Variants in PCNX4 observed in about 807,000 individuals in gnomAD.
PCNX4 encodes pecanex-like protein 4.
A neutral mutation model predicts 107.2 loss-of-function variants in PCNX4; 103 were observed. The observed-to-expected ratio is 0.96, with a 90% CI of 0.82 to 1.13. The LOEUF is 1.13. Ranked by LOEUF, PCNX4 falls within the 50% of genes most tolerant of loss-of-function variation. PCNX4 has a pLI of 0.00. For missense variants in PCNX4, 1,528 were observed against 1,379.4 expected (o/e 1.11, Z -1.71); for synonymous variants, 541 against 481.7 (o/e 1.12, Z -1.61).
intron 1 of PCNX4, among the ~76,000 whole-genome samples, chr14:60,097,909 T>A (rs1895456526): frequency 6.6e-6 from 1 of 152,220 alleles, no homozygotes; most frequent in African/African-American, 2.4e-5. Context: ...TGTCCCCTTG[T>A]CAGCAGGAAG....
At chr14:60,096,124 C>T (rs954173637) in intron 1 of PCNX4, among the ~76,000 whole-genome samples, 2 of 143,338 alleles carry the variant, frequency 1.4e-5, no homozygotes, top group African/African-American at 2.5e-5. Flanking sequence ...GATTGATTAA[C>T]GAAGGTTTTG....
chr14:60,133,585 G>A (rs993827737), intron 10 of PCNX4: 6 of 442,920 alleles, frequency 1.4e-5, no homozygotes, highest in Non-Finnish European at 2.7e-5. Flanking sequence ...TGAATTATAT[G>A]GAATGTGAAT....
chr14:60,121,352 T>C, intron 8 of PCNX4, 53 bp downstream of exon 8: 1 of 1,570,440 alleles, frequency 6.4e-7, no homozygotes, highest in Non-Finnish European at 8.7e-7. Flanking sequence ...TGTGTAAAAT[T>C]TTACCTGTTA....
rs1896406979 is a variant in PCNX4, at chr14:60,146,379, C to G, written c.*12158C>G. 6.6e-6 allele frequency: 1 copy of G among 151,840 alleles called. No individual in the cohort carries two copies. The highest frequency in any genetic ancestry group is 1.5e-5 in the Non-Finnish European group (1 of 67,954). 9.4% of individuals were successfully genotyped at this position (151,840 alleles called of 1,614,324 possible). The stretch of plus-strand genomic sequence containing the variant: ...TCTCTAGTCCCTGGTCCCTCTTTCC[C>G]CTTTGAAAAAAAAATCACTTCTATA... On this transcript the variant is annotated 3_prime_UTR_variant, in exon 11 of 11. Transcript: ENST00000406854. The surrounding 1 kb of genome is among the most constrained non-coding windows in gnomAD (Gnocchi z 4.9).
chr14:60,098,351 CCT>C (rs1476640193), intron 1 of PCNX4, among the ~76,000 whole-genome samples: 1 of 152,182 alleles, frequency 6.6e-6, no homozygotes, highest in Non-Finnish European at 1.5e-5. Flanking sequence ...CAGCCAGAAG[CCT>C]CTCTCAGGTT....
chr14:60,114,227 T>G (rs1388507148), intron 2 of PCNX4, among the ~76,000 whole-genome samples: 1 of 152,218 alleles, frequency 6.6e-6, no homozygotes, highest in Non-Finnish European at 1.5e-5. Context: ...TGTATGAATG[T>G]GGGTAAGGCT....
rs1292926765 is a variant in PCNX4 at position 60,141,299 on chromosome 14, C to G, written c.*7078C>G. ...GCAAAAGAAAGGAAATAACCAAAAG[C>G]AGAAATCAATGAAACTGCAAATAGA... On this transcript the variant is annotated 3_prime_UTR_variant, in exon 11 of 11. Transcript: ENST00000406854. 6.6e-6 allele frequency: 1 copy of G among 152,002 alleles called. No individual in the cohort carries two copies. The highest frequency in any genetic ancestry group is 1.5e-5 in the Non-Finnish European group (1 of 68,006). The allele number at this position is 152,002 out of a possible 1,614,324, so 9.4% of individuals were successfully genotyped here.
At chr14:60,128,846 G>C (rs914069681) in intron 10 of PCNX4, among the ~76,000 whole-genome samples, 1 of 152,152 alleles carries the variant, frequency 6.6e-6, no homozygotes, top group African/African-American at 2.4e-5. Context: ...ACTGGATAAA[G>C]GAAATGAATC....
chr14:60,129,921 A>G (rs1896124229), intron 10 of PCNX4, among the ~76,000 whole-genome samples: 1 of 152,242 alleles, frequency 6.6e-6, no homozygotes, highest in African/African-American at 2.4e-5. Context: ...CGAAAGAGGG[A>G]TAAAAGTCAA....
rs1896209609 is a variant in PCNX4, at chr14:60,134,309, T to G, written c.*88T>G. 6.8e-7 allele frequency: 1 copy of G among 1,474,486 alleles called. No homozygotes were observed. The highest frequency in any genetic ancestry group is 1.4e-5 in the African/African-American group (1 of 71,824). The allele number at this position is 1,474,486 out of a possible 1,614,324, so 91.3% of individuals were successfully genotyped here. A position where few individuals can be genotyped will look rare whatever the true frequency, so the allele number is the denominator to read the frequency against. On this transcript the variant is annotated 3_prime_UTR_variant, in exon 11 of 11. Coordinates refer to ENST00000406854, the MANE Select transcript of PCNX4 (RefSeq NM_001330177.2). ...ACTGTGATTCTTGTAACTTGAGGAC[T>G]TCTCCACACCCCCATTCAGATGCCT...
rs1896281613 is a variant in PCNX4, at chr14:60,139,415, A to T, written c.*5194A>T. On this transcript the variant is annotated 3_prime_UTR_variant, in exon 11 of 11. Coordinates refer to ENST00000406854, the MANE Select transcript of PCNX4 (RefSeq NM_001330177.2). Reference sequence around the variant, plus strand: ...TGATAAAAGATTTGATTCACCAGAAAGTTTCAACAGGTCTAATATTTTAAT... The same window carrying T: ...TGATAAAAGATTTGATTCACCAGAATGTTTCAACAGGTCTAATATTTTAAT... The T allele has an allele frequency of 6.6e-6, 1 of 152,144 alleles. No homozygotes were observed. The highest frequency in any genetic ancestry group is 1.9e-4 in the East Asian group (1 of 5,204). 9.4% of individuals were successfully genotyped at this position (152,144 alleles called of 1,614,324 possible). A position where few individuals can be genotyped will look rare whatever the true frequency, so the allele number is the denominator to read the frequency against.
chr14:60,127,721 T>C (rs1316883563), intron 10 of PCNX4, among the ~76,000 whole-genome samples: 1 of 152,130 alleles, frequency 6.6e-6, no homozygotes. Flanking sequence ...AGTTGAGATA[T>C]GCAAAGAAAT....
intron 10 of PCNX4, among the ~76,000 whole-genome samples, chr14:60,129,740 A>G (rs927424592): frequency 2.0e-5 from 3 of 152,226 alleles, no homozygotes; most frequent in African/African-American, 7.2e-5. Context: ...ACGTTGTAAG[A>G]GTAATATTTC....
At chr14:60,120,375 A>T (rs1895932172) in intron 7 of PCNX4, among the ~76,000 whole-genome samples, 1 of 152,198 alleles carries the variant, frequency 6.6e-6, no homozygotes, top group Non-Finnish European at 1.5e-5. Flanking sequence ...AGGAGAGCAG[A>T]TGTTCAGTAT....
chr14:60,098,984 G>A (rs1190510012), intron 1 of PCNX4, among the ~76,000 whole-genome samples: 1 of 151,884 alleles, frequency 6.6e-6, no homozygotes, highest in Non-Finnish European at 1.5e-5. Context: ...GAATTTAGCT[G>A]TCTATCCATG....
chr14:60,100,740 G>A (rs1194325778), intron 1 of PCNX4, among the ~76,000 whole-genome samples: 1 of 152,160 alleles, frequency 6.6e-6, no homozygotes, highest in African/African-American at 2.4e-5. Flanking sequence ...CATCAGGTGG[G>A]TTTTATTTAA....
chr14:60,123,174 C>G (rs1035129629), intron 8 of PCNX4, among the ~76,000 whole-genome samples: 30 of 152,020 alleles, frequency 2.0e-4, no homozygotes, highest in African/African-American at 7.0e-4. Flanking sequence ...TTTAATAATA[C>G]CTAATAATGT....
intron 9 of PCNX4, 93 bp downstream of exon 9, chr14:60,125,344 GT>G: frequency 3.1e-6 from 4 of 1,274,300 alleles, no homozygotes; most frequent in Non-Finnish European, 4.1e-6. Context: ...TTCGTTTCTA[GT>G]TTTTTAAAAT....
chr14:60,100,703 A>G (rs1301166043), intron 1 of PCNX4, among the ~76,000 whole-genome samples: 1 of 152,238 alleles, frequency 6.6e-6, no homozygotes, highest in Non-Finnish European at 1.5e-5. Context: ...GGGCCTAGAG[A>G]GTCATGCCCT....
Sources: allele counts gnomAD v4.1 joint callset (sites outside exome capture counted in the v4.1 genomes callset), GRCh38; gene constraint gnomAD v4.1.1; non-coding constraint Gnocchi (gnomAD v3.1); transcripts MANE v1.5; gene names NCBI Gene and HGNC (gene_info 2026-07-23, HGNC 2026-07-21).